Variants in PDE8B observed in about 807,000 individuals in gnomAD.
The protein encoded by PDE8B is phosphodiesterase 8B.
In PDE8B, 26 loss-of-function variants were observed where a neutral mutation model predicts 101.3. That is an observed-to-expected ratio of 0.26 (90% CI 0.19 to 0.36). PDE8B has a LOEUF of 0.36. Among genes scored for constraint, PDE8B ranks in the 10% least tolerant of loss-of-function variants. The probability of loss-of-function intolerance (pLI) is 1.00; values close to 1 mark genes in which losing one functional copy is unlikely to be tolerated. For missense variants in PDE8B, 810 were observed against 1,163.1 expected (o/e 0.70, Z 4.42); for synonymous variants, 424 against 429.3 (o/e 0.99, Z 0.15).
chr5:77,373,890 C>T (rs12233968), intron 10 of PDE8B, among the ~76,000 whole-genome samples: 26,442 of 152,066 alleles, frequency 0.17, 2,350 homozygotes, highest in East Asian at 0.26. Flanking sequence ...GCTCTTGTTG[C>T]GCAGGCTGGA....
At chr5:77,176,888 G>C in the PDE8B span, among the ~76,000 whole-genome samples, 1 of 152,212 alleles carries the variant, frequency 6.6e-6, no homozygotes, top group Non-Finnish European at 1.5e-5. Flanking sequence ...GAGCATGAGA[G>C]CAGAGCTTCA....
At chr5:77,230,234 A>G (rs943425407) in intron 1 of PDE8B, among the ~76,000 whole-genome samples, 4 of 152,186 alleles carry the variant, frequency 2.6e-5, no homozygotes, top group African/African-American at 9.7e-5. Flanking sequence ...TGAAATCTCA[A>G]CATGAACTTG....
chr5:77,200,043 A>C, the PDE8B span, among the ~76,000 whole-genome samples: 1 of 143,452 alleles, frequency 7.0e-6, no homozygotes, highest in African/African-American at 2.6e-5. Flanking sequence ...AAAAAAAAGA[A>C]AAAGAAAAGC....
At chr5:77,407,643 G>A (rs1365494055) in intron 13 of PDE8B, among the ~76,000 whole-genome samples, 186 bp downstream of exon 13, 1 of 152,178 alleles carries the variant, frequency 6.6e-6, no homozygotes. Context: ...GAAAACAAGC[G>A]GGTTCTGTGA....
intron 2 of PDE8B, among the ~76,000 whole-genome samples, chr5:77,322,197 G>T (rs1775221802): frequency 1.3e-5 from 2 of 152,020 alleles, no homozygotes; most frequent in African/African-American, 4.8e-5. Context: ...GAGTGTAAGA[G>T]CCAAAGGTGG....
chr5:77,163,501 T>C, the PDE8B span, among the ~76,000 whole-genome samples: 1 of 152,218 alleles, frequency 6.6e-6, no homozygotes, highest in East Asian at 1.9e-4. Flanking sequence ...TTGGTGATAG[T>C]AGGACTTTAA....
chr5:77,124,967 G>C, the PDE8B span, among the ~76,000 whole-genome samples: 181 of 152,310 alleles, frequency 1.2e-3, no homozygotes, highest in African/African-American at 4.0e-3. Flanking sequence ...CTTCACACCT[G>C]TTAGGATTTT....
chr5:77,426,699 C>A lies in PDE8B; in HGVS notation c.*145C>A. On this transcript the variant is annotated 3_prime_UTR_variant, in exon 22 of 22. Transcript: ENST00000264917. ...ATATTTGACCTTGAATCATTCAAGT[C>A]CCCAAATTTCATTCTTAGAAAGTTA... The A allele has an allele frequency of 1.5e-6, 1 of 674,348 alleles. No homozygotes were observed. The highest frequency in any genetic ancestry group is 2.7e-6 in the Non-Finnish European group (1 of 367,530). The allele number at this position is 674,348 out of a possible 1,614,324, so 41.8% of individuals were successfully genotyped here. A position where few individuals can be genotyped will look rare whatever the true frequency, so the allele number is the denominator to read the frequency against.
chr5:77,418,690 GTACTAT>G (rs1177814497), intron 18 of PDE8B, among the ~76,000 whole-genome samples: 10 of 152,232 alleles, frequency 6.6e-5, no homozygotes, highest in Admixed American at 5.2e-4. Context: ...AATATTGATT[GTACTAT>G]TACTAAGTAC....
chr5:77,214,154 C>T lies in PDE8B; in HGVS notation c.339+2890C>T, dbSNP rs575272925. On this transcript the variant is annotated intron_variant, in intron 1 of 21. Coordinates refer to ENST00000264917, the MANE Select transcript of PDE8B (RefSeq NM_003719.5). ...TTTGTAATTCTTGTTCAGAAATCCT[C>T]AGAGGAGATGGTTGAACCTCTCTCT... Among the ~76,000 whole-genome samples, 17 of 152,336 alleles carry T rather than the reference C, an allele frequency of 1.1e-4. No homozygotes were observed. The South Asian group carries it at 2.9e-3, about 26-fold the overall frequency.
In PDE8B at chr5:77,345,083, G is replaced by T. The variant is rs189064617; in HGVS notation, c.876+152G>T. The T allele has an allele frequency of 1.5e-4, 104 of 683,550 alleles. 1 individual carries two copies. The highest frequency in any genetic ancestry group is 2.6e-4 in the Non-Finnish European group (96 of 371,840). The allele number at this position is 683,550 out of a possible 1,614,324, so 42.3% of individuals were successfully genotyped here. A position where few individuals can be genotyped will look rare whatever the true frequency, so the allele number is the denominator to read the frequency against. On this transcript the variant is annotated intron_variant, in intron 7 of 21. Coordinates refer to ENST00000264917, the MANE Select transcript of PDE8B (RefSeq NM_003719.5). ...TCAAGCTGTGCAAAGAATACTGATA[G>T]ACTTAAGAATTAGATATTCAATAAA...
At chr5:77,175,563 T>A in the PDE8B span, among the ~76,000 whole-genome samples, 9 of 152,210 alleles carry the variant, frequency 5.9e-5, no homozygotes, top group Non-Finnish European at 1.2e-4. Context: ...TTCTCTCTAT[T>A]ACAGTAAGTT....
chr5:77,334,584 G>A (rs1777765652), intron 5 of PDE8B, among the ~76,000 whole-genome samples: 1 of 152,178 alleles, frequency 6.6e-6, no homozygotes, highest in African/African-American at 2.4e-5. Flanking sequence ...TGTGGAGTAG[G>A]AAGTGGGGAG....
the PDE8B span, among the ~76,000 whole-genome samples, chr5:77,172,730 GA>G: frequency 2.0e-5 from 3 of 152,190 alleles, no homozygotes; most frequent in Non-Finnish European, 4.4e-5. Context: ...AAGACATTAG[GA>G]AATACCAGTA....
At chr5:77,417,688 A>G (rs970583551) in intron 17 of PDE8B, among the ~76,000 whole-genome samples, 1 of 152,168 alleles carries the variant, frequency 6.6e-6, no homozygotes, top group Non-Finnish European at 1.5e-5. Context: ...TCTTATTTGC[A>G]AGAACCCCTT....
At chr5:77,290,999 C>T (rs897361536) in intron 1 of PDE8B, 2 of 1,611,960 alleles carry the variant, frequency 1.2e-6, no homozygotes, top group Non-Finnish European at 1.7e-6. Flanking sequence ...TGCTGTCCTT[C>T]ACCGGGAGCA....
At chr5:77,186,363 G>A in the PDE8B span, among the ~76,000 whole-genome samples, 1 of 152,144 alleles carries the variant, frequency 6.6e-6, no homozygotes, top group East Asian at 1.9e-4. Context: ...TATTATCCTT[G>A]TTACAGTTAA....
intron 6 of PDE8B, among the ~76,000 whole-genome samples, chr5:77,341,800 T>C (rs1779251296): frequency 6.6e-6 from 1 of 152,222 alleles, no homozygotes; most frequent in African/African-American, 2.4e-5. Context: ...AGCCCCCTTT[T>C]ATTCTTGTTT....
chr5:77,291,438 CACGA>C (rs1295224409), intron 1 of PDE8B: 4 of 1,611,374 alleles, frequency 2.5e-6, no homozygotes, highest in African/African-American at 1.3e-5. Context: ...AGGTCTTGCC[CACGA>C]TGCATCCATT....
Sources: allele counts gnomAD v4.1 joint callset (sites outside exome capture counted in the v4.1 genomes callset), GRCh38; gene constraint gnomAD v4.1.1; transcripts MANE v1.5; gene names NCBI Gene and HGNC (gene_info 2026-07-23, HGNC 2026-07-21).